The following IL15 variants were observed in gnomAD, a reference collection of about 807,000 sequenced individuals.
IL15 encodes interleukin 15.
Under a neutral mutation model 19.6 loss-of-function variants are expected in IL15, and 11 were observed. The observed-to-expected ratio is 0.56, with a 90% confidence interval of 0.35 to 0.93. IL15 has a LOEUF of 0.93. IL15 is among the 40% of genes least tolerant of loss of function. The pLI, the probability that IL15 is intolerant of heterozygous loss-of-function variation, is 0.01. For synonymous variants in IL15, 58 were observed against 59.6 expected (o/e 0.97, Z 0.12); for missense variants, 197 against 186.5 (o/e 1.06, Z -0.33).
chr4:141,728,301 T>A (rs4956407), intron 6 of IL15, among the ~76,000 whole-genome samples: 121,096 of 152,028 alleles, frequency 0.8, 48,824 homozygotes, highest in East Asian at 0.99. Context: ...AGATTAACTG[T>A]TTCAATTTAA....
intron 2 of IL15, among the ~76,000 whole-genome samples, chr4:141,678,855 C>T (rs961638763): frequency 6.6e-6 from 1 of 152,172 alleles, no homozygotes; most frequent in African/African-American, 2.4e-5. Flanking sequence ...CTGCCCAGGC[C>T]TCCCAAAGTG....
At chr4:141,719,201 A>T in intron 2 of IL15, 165 bp from the exon 3 acceptor site, 1 of 336,862 alleles carries the variant, frequency 3.0e-6, no homozygotes, top group Non-Finnish European at 5.3e-6. Flanking sequence ...CCTAAATGCT[A>T]CTAACCTTCC....
chr4:141,694,242 T>C (rs1256088463), intron 2 of IL15, among the ~76,000 whole-genome samples: 1 of 152,134 alleles, frequency 6.6e-6, no homozygotes, highest in African/African-American at 2.4e-5. Context: ...GTGGAGAGTA[T>C]TGGTTTAAGG....
chr4:141,655,874 G>A lies in IL15; in HGVS notation c.-221-312G>A, dbSNP rs149845665. 9.8e-4 allele frequency among the ~76,000 whole-genome samples: 149 copies of A among 152,262 alleles called. 1 individual carries two copies. The highest frequency in any genetic ancestry group is 3.2e-3 in the African/African-American group (134 of 41,554). ...TCATGTGTGCTTTGTGATATTTTGT[G>A]ATAAAGAGAAAGACAATTTACTAGA... is the stretch of plus-strand genomic sequence containing the variant. On this transcript the variant is annotated intron_variant, in intron 1 of 7. Transcript: ENST00000320650.
intron 2 of IL15, among the ~76,000 whole-genome samples, chr4:141,711,262 A>G (rs1020571945): frequency 1.3e-5 from 2 of 152,188 alleles, no homozygotes; most frequent in African/African-American, 2.4e-5. Context: ...TGCAAGTTAC[A>G]TCTTATGAAA....
rs1730506006 is a variant in IL15, at chr4:141,733,081, A to G, written c.*233A>G. 2.5e-6 allele frequency: 1 copy of G among 395,260 alleles called. No individual in the cohort carries two copies. The highest frequency in any genetic ancestry group is 4.9e-5 in the Admixed American group (1 of 20,400). The allele number at this position is 395,260 out of a possible 1,614,324, so 24.5% of individuals were successfully genotyped here. On this transcript the variant is annotated 3_prime_UTR_variant, in exon 8 of 8. Transcript: ENST00000320650. ...CTTACTTTACTCATTTTTTTAATTT[A>G]TTATTGAAATTGTACATATTTGTGG... is the stretch of plus-strand genomic sequence containing the variant.
intron 2 of IL15, among the ~76,000 whole-genome samples, chr4:141,662,069 A>G (rs1727809943): frequency 6.6e-6 from 1 of 152,230 alleles, no homozygotes; most frequent in East Asian, 1.9e-4. Flanking sequence ...AGAGAATAAA[A>G]CATTGAGTAC....
chr4:141,637,680 TA>T (rs1332420818), intron 1 of IL15, among the ~76,000 whole-genome samples: 12 of 152,200 alleles, frequency 7.9e-5, no homozygotes, highest in Admixed American at 7.9e-4. Flanking sequence ...AACTAATTCT[TA>T]AATGATGCTT....
At position 141,732,964 on chromosome 4, in the gene IL15, GA is replaced by G; in HGVS notation, c.*118del. On this transcript the variant is annotated 3_prime_UTR_variant, in exon 8 of 8. Coordinates refer to ENST00000320650, the MANE Select transcript of IL15 (RefSeq NM_000585.5). ...CTGTCAAAACAAGTTTTTCTGTCAA[GA>G]AGATGATCAGACCTTGGATCAGATG... 1 of 1,445,018 alleles carries G rather than the reference GA, an allele frequency of 6.9e-7. No homozygotes were observed. Among genetic ancestry groups the G allele is most frequent in the South Asian group, 1.5e-5 (1 of 65,580 alleles). The allele number at this position is 1,445,018 out of a possible 1,614,324, so 89.5% of individuals were successfully genotyped here.
At chr4:141,665,459 T>C (rs1019210732) in intron 2 of IL15, among the ~76,000 whole-genome samples, 3 of 152,158 alleles carry the variant, frequency 2.0e-5, no homozygotes, top group Non-Finnish European at 2.9e-5. Context: ...ATTCCTTTTC[T>C]ATTTAAAAAT....
At chr4:141,645,559 T>C (rs1482015281) in intron 1 of IL15, among the ~76,000 whole-genome samples, 1 of 152,154 alleles carries the variant, frequency 6.6e-6, no homozygotes, top group African/African-American at 2.4e-5. Flanking sequence ...GGTCCTTGCC[T>C]CTCTCCAGGT....
chr4:141,652,144 A>T (rs888979856), intron 1 of IL15, among the ~76,000 whole-genome samples: 8 of 152,178 alleles, frequency 5.3e-5, no homozygotes, highest in Non-Finnish European at 1.2e-4. Context: ...TATAAAGAAG[A>T]CAAGAATGGC....
chr4:141,715,183 A>G (rs1729841135), intron 2 of IL15: 1 of 152,182 alleles, frequency 6.6e-6, no homozygotes, highest in Non-Finnish European at 1.5e-5. Context: ...ATCATAAAAA[A>G]TGATTCCAGA....
chr4:141,712,293 G>T (rs147564029), intron 2 of IL15, among the ~76,000 whole-genome samples: 343 of 152,234 alleles, frequency 2.3e-3, no homozygotes, highest in African/African-American at 4.6e-3. Context: ...TAGAGGAACA[G>T]ATATCATTGA....
At chr4:141,655,920 G>C (rs754097489) in intron 1 of IL15, among the ~76,000 whole-genome samples, 1 of 152,078 alleles carries the variant, frequency 6.6e-6, no homozygotes, top group Non-Finnish European at 1.5e-5. Flanking sequence ...AAGCATTATA[G>C]GTTTTAAAAA....
At chr4:141,661,810 G>A (rs1560906579) in intron 2 of IL15, among the ~76,000 whole-genome samples, 1 of 151,902 alleles carries the variant, frequency 6.6e-6, no homozygotes, top group Non-Finnish European at 1.5e-5. Context: ...TATTGTTGTT[G>A]TTGCTATTAT....
chr4:141,644,334 T>C (rs1727150088), intron 1 of IL15, among the ~76,000 whole-genome samples: 2 of 152,086 alleles, frequency 1.3e-5, no homozygotes, highest in Non-Finnish European at 2.9e-5. Context: ...TGAATAACAA[T>C]AATTTGTTAT....
At chr4:141,656,949 A>G (rs1210800393) in intron 2 of IL15, among the ~76,000 whole-genome samples, 1 of 152,208 alleles carries the variant, frequency 6.6e-6, no homozygotes, top group Non-Finnish European at 1.5e-5. Context: ...TAACTAAACA[A>G]AATATAGTAA....
chr4:141,649,982 G>A (rs889586742), intron 1 of IL15, among the ~76,000 whole-genome samples: 1 of 152,112 alleles, frequency 6.6e-6, no homozygotes, highest in Admixed American at 6.6e-5. Flanking sequence ...CGATGAGGAT[G>A]CCAGTGTTGG....
Sources: allele counts gnomAD v4.1 joint callset (sites outside exome capture counted in the v4.1 genomes callset), GRCh38; gene constraint gnomAD v4.1.1; transcripts MANE v1.5; gene names NCBI Gene and HGNC (gene_info 2026-07-23, HGNC 2026-07-21).